Variants in MAP3K19 observed in about 807,000 individuals in gnomAD.
MAP3K19 encodes mitogen-activated protein kinase kinase kinase 19, also known as SPS1/STE20-related protein kinase YSK4.
A neutral mutation model predicts 114.4 loss-of-function variants in MAP3K19; 91 were observed. That is an observed-to-expected ratio of 0.80 (90% CI 0.67 to 0.95). The LOEUF is 0.95. MAP3K19 is among the 40% of genes least tolerant of loss of function. The pLI is 0.00. For synonymous variants in MAP3K19, 518 were observed against 530.5 expected (o/e 0.98, Z 0.32); for missense variants, 1,471 against 1,573.2 (o/e 0.94, Z 1.10).
intron 1 of MAP3K19, among the ~76,000 whole-genome samples, chr2:135,046,600 A>T (rs1019219729): frequency 2.6e-5 from 4 of 152,092 alleles, no homozygotes; most frequent in African/African-American, 7.2e-5. Flanking sequence ...TTGGTCAATG[A>T]TTTTTGAGGA....
intron 5 of MAP3K19, among the ~76,000 whole-genome samples, chr2:135,014,578 T>A (rs1687460907): frequency 6.6e-6 from 1 of 152,210 alleles, no homozygotes; most frequent in South Asian, 2.1e-4. Flanking sequence ...TTGATTTTAG[T>A]ATAGCATACA....
chr2:135,033,530 G>C (rs1176410527), intron 2 of MAP3K19, among the ~76,000 whole-genome samples: 2 of 90,974 alleles, frequency 2.2e-5, no homozygotes, highest in African/African-American at 6.4e-5. Flanking sequence ...CAGCCGGGCA[G>C]AGGCGCCCCT....
chr2:134,984,552 A>G (rs573927741), intron 10 of MAP3K19, among the ~76,000 whole-genome samples: 1 of 152,318 alleles, frequency 6.6e-6, no homozygotes, highest in South Asian at 2.1e-4. Context: ...TTTACCATCC[A>G]CAAGCCAGAC....
At chr2:134,993,965 G>T (rs1020583615) in intron 8 of MAP3K19, among the ~76,000 whole-genome samples, 1 of 152,100 alleles carries the variant, frequency 6.6e-6, no homozygotes, top group Non-Finnish European at 1.5e-5. Context: ...AGCCATGTTT[G>T]CACCACTGCA....
At chr2:135,015,226 A>G (rs1454936023) in intron 5 of MAP3K19, among the ~76,000 whole-genome samples, 1 of 152,242 alleles carries the variant, frequency 6.6e-6, no homozygotes, top group African/African-American at 2.4e-5. Flanking sequence ...CAACTTGTAA[A>G]ATTGTAATCA....
At chr2:135,004,456 GA>G (rs1397711648) in intron 6 of MAP3K19, among the ~76,000 whole-genome samples, 1 of 152,210 alleles carries the variant, frequency 6.6e-6, no homozygotes, top group African/African-American at 2.4e-5. Context: ...CCACCTCCCG[GA>G]GGAGACGCTA....
intron 1 of MAP3K19, among the ~76,000 whole-genome samples, chr2:135,045,474 G>A (rs757184197): frequency 6.6e-6 from 1 of 152,038 alleles, no homozygotes; most frequent in Non-Finnish European, 1.5e-5. Context: ...GGGAAAAAAG[G>A]TTTTCCGAAA....
intron 8 of MAP3K19, among the ~76,000 whole-genome samples, chr2:134,993,907 A>G (rs1040520775): frequency 1.3e-5 from 2 of 152,176 alleles, no homozygotes; most frequent in African/African-American, 4.8e-5. Context: ...GCTACTCAGG[A>G]GGCTGTGGTG....
chr2:135,033,431 C>T lies in MAP3K19; in HGVS notation c.-283-2931G>A, dbSNP rs1428485799. Reference sequence around the variant, plus strand: ...GGCCGGGCAGAGGGGATCCTCACTTCCCAGTAGGGGCGGTCGGGCAGAGGC... The same window carrying T: ...GGCCGGGCAGAGGGGATCCTCACTTTCCAGTAGGGGCGGTCGGGCAGAGGC... On this transcript the variant is annotated intron_variant, in intron 2 of 12. Transcript: ENST00000392915. Among the ~76,000 whole-genome samples, 2 of 117,798 alleles carry T rather than the reference C, an allele frequency of 1.7e-5. 1 individual carries two copies. The highest frequency in any genetic ancestry group is 8.5e-5 in the African/African-American group (2 of 23,398). 77.3% of individuals were successfully genotyped at this position (117,798 alleles called of 152,430 possible). A position where few individuals can be genotyped will look rare whatever the true frequency, so the allele number is the denominator to read the frequency against.
At chr2:135,009,203 A>G (rs1450131830) in intron 5 of MAP3K19, among the ~76,000 whole-genome samples, 1 of 150,286 alleles carries the variant, frequency 6.7e-6, no homozygotes, top group Non-Finnish European at 1.5e-5. Flanking sequence ...GATCTCAAGT[A>G]ATCCACCTCC....
rs114867686 is a variant in MAP3K19, at chr2:135,014,870, G to C, written c.138+6845C>G. 2.6e-3 allele frequency among the ~76,000 whole-genome samples: 391 copies of C among 152,252 alleles called. 1 individual carries two copies. The highest frequency in any genetic ancestry group is 8.3e-3 in the African/African-American group (343 of 41,550). The stretch of plus-strand genomic sequence containing the variant: ...ATCTGTATTTTTGCATGTAATTTTA[G>C]ATCATTCACTCTCATTCTCATTTAT... On this transcript the variant is annotated intron_variant, in intron 5 of 12. Transcript: ENST00000392915.
At chr2:135,014,667 C>T (rs1687466560) in intron 5 of MAP3K19, among the ~76,000 whole-genome samples, 1 of 152,216 alleles carries the variant, frequency 6.6e-6, no homozygotes, top group Non-Finnish European at 1.5e-5. Flanking sequence ...GGACCCAGAT[C>T]AAATAAAAGA....
At chr2:135,021,680 G>A (rs764507845) in intron 5 of MAP3K19, 35 bp downstream of exon 5, 70 of 1,178,484 alleles carry the variant, frequency 5.9e-5, no homozygotes, top group Non-Finnish European at 8.4e-5. Flanking sequence ...AGATGGAGTA[G>A]GCTGTCCGTT....
At chr2:135,017,521 C>T (rs545852641) in intron 5 of MAP3K19, among the ~76,000 whole-genome samples, 3 of 152,210 alleles carry the variant, frequency 2.0e-5, no homozygotes, top group Admixed American at 2.0e-4. Context: ...ATCTTCCTGC[C>T]TTCTGTGAGG....
chr2:135,000,153 C>A, intron 6 of MAP3K19, 138 bp from the exon 7 acceptor site: 1 of 634,002 alleles, frequency 1.6e-6, no homozygotes, highest in Non-Finnish European at 2.8e-6. Flanking sequence ...TGAGGTTTAG[C>A]CATCTTTGTA....
chr2:135,029,589 T>C (rs1365974725), intron 3 of MAP3K19, among the ~76,000 whole-genome samples: 1 of 152,232 alleles, frequency 6.6e-6, no homozygotes, highest in Non-Finnish European at 1.5e-5. Flanking sequence ...TGGAATATCT[T>C]TCACTTTTTT....
At chr2:134,968,595 G>T (rs1333223209) in intron 12 of MAP3K19, among the ~76,000 whole-genome samples, 1 of 151,194 alleles carries the variant, frequency 6.6e-6, no homozygotes, top group Non-Finnish European at 1.5e-5. Context: ...TTCTCAGACG[G>T]GGCGGTTGCC....
At chr2:135,023,765 A>G (rs528236068) in intron 4 of MAP3K19, 1 of 331,530 alleles carries the variant, frequency 3.0e-6, no homozygotes, top group East Asian at 7.8e-5. Flanking sequence ...ACATATGGGC[A>G]CTTCTATAAT....
At chr2:135,003,477 A>G (rs1026008707) in intron 6 of MAP3K19, among the ~76,000 whole-genome samples, 1 of 152,078 alleles carries the variant, frequency 6.6e-6, no homozygotes, top group African/African-American at 2.4e-5. Context: ...ACTCATGAAA[A>G]CAGTAAATTT....
Sources: allele counts gnomAD v4.1 joint callset (sites outside exome capture counted in the v4.1 genomes callset), GRCh38; gene constraint gnomAD v4.1.1; transcripts MANE v1.5; gene names NCBI Gene and HGNC (gene_info 2026-07-23, HGNC 2026-07-21).